The following MSR1 variants were observed in gnomAD, a reference collection of about 807,000 sequenced individuals.
MSR1 encodes macrophage scavenger receptor types I and II.
In MSR1, 53 loss-of-function variants were observed where a neutral mutation model predicts 47.2. The observed-to-expected ratio is 1.12, with a 90% CI of 0.90 to 1.41. The LOEUF (loss-of-function observed/expected upper bound fraction) is 1.41. Ranked by LOEUF, MSR1 falls within the 40% of genes most tolerant of loss-of-function variation. The probability of loss-of-function intolerance (pLI) is 0.00; values close to 1 mark genes in which losing one functional copy is unlikely to be tolerated. For synonymous variants in MSR1, 239 were observed against 185.6 expected, an observed-to-expected ratio of 1.29 and a Z score of -2.34; for missense variants, 786 against 546.9, an observed-to-expected ratio of 1.44 and a Z score of -4.36.
At chr8:16,140,797 G>A (rs1159134245) in intron 8 of MSR1, 1 of 1,496,212 alleles carries the variant, frequency 6.7e-7, no homozygotes, top group East Asian at 2.4e-5. Context: ...AGTAAGAAGA[G>A]GTATGAGCAT....
intron 2 of MSR1, 63 bp from the exon 3 acceptor site, chr8:16,175,363 T>A: frequency 3.1e-6 from 4 of 1,289,068 alleles, no homozygotes; most frequent in African/African-American, 1.5e-5. Context: ...TAATTAAAAT[T>A]GTTTTAATCT....
intron 5 of MSR1, among the ~76,000 whole-genome samples, chr8:16,162,958 T>G (rs1393667891): frequency 6.6e-6 from 1 of 151,578 alleles, no homozygotes; most frequent in Non-Finnish European, 1.5e-5. Context: ...AAAAATAAAG[T>G]AGAATAAACT....
chr8:16,149,558 T>C (rs975496955), intron 7 of MSR1, among the ~76,000 whole-genome samples: 2 of 152,090 alleles, frequency 1.3e-5, no homozygotes, highest in Non-Finnish European at 2.9e-5. Flanking sequence ...TAATTCACTT[T>C]GAAATGAGGA....
At position 16,155,128 on chromosome 8, in the gene MSR1, C is replaced by T. The variant is rs34797070; in HGVS notation, c.834G>A (p.Pro278=). The change falls in exon 6 of 10, where the codon CCG becomes CCA. Residue 278 remains proline, a synonymous_variant. Coordinates refer to ENST00000262101, the MANE Select transcript of MSR1 (RefSeq NM_138715.3). ...TGGGACCTCGATCTCCTTTTTCACC[C>T]GGGGGTCCAGGAGGACCTTTAAAAA... ...ITLIQGPPGP[P]GEKGDRGPTG... is the part of the protein sequence containing the mutation. 29 of 1,611,602 alleles carry T rather than the reference C, an allele frequency of 1.8e-5. No individual in the cohort carries two copies. Among genetic ancestry groups the T allele is most frequent in the Admixed American group, 8.4e-5 (5 of 59,754 alleles).
At position 16,168,730 on chromosome 8, in the gene MSR1, T is replaced by G; in HGVS notation, c.358A>C (p.Asn120His). ...FQEVFMEHMS[N>H]MEKRIQHILD... ...ATATGCTGGATTCTCTTCTCCATGT[T>G]GCTCATGTGTTCCATAAAGACTTCT... The change falls in exon 4 of 10, where the codon AAC becomes CAC. Residue 120 changes from asparagine (N) to histidine (H), a missense_variant. Coordinates refer to ENST00000262101, the MANE Select transcript of MSR1 (RefSeq NM_138715.3). 1 of 1,614,218 alleles carries G rather than the reference T, an allele frequency of 6.2e-7. No individual in the cohort carries two copies. Among genetic ancestry groups the G allele is most frequent in the Non-Finnish European group, 8.5e-7 (1 of 1,180,028 alleles).
At chr8:16,185,490 T>C (rs918086057) in intron 1 of MSR1, among the ~76,000 whole-genome samples, 1 of 152,192 alleles carries the variant, frequency 6.6e-6, no homozygotes, top group African/African-American at 2.4e-5. Flanking sequence ...TATCATCTAC[T>C]TACTGTATAG....
intron 4 of MSR1, 151 bp downstream of exon 4, chr8:16,168,307 G>T: frequency 2.6e-6 from 2 of 766,328 alleles, no homozygotes; most frequent in Non-Finnish European, 4.3e-6. Flanking sequence ...CTTAACATTC[G>T]TTTAAAATCT....
intron 5 of MSR1, among the ~76,000 whole-genome samples, chr8:16,157,088 G>A (rs1029280368): frequency 7.9e-5 from 12 of 151,992 alleles, no homozygotes; most frequent in Non-Finnish European, 1.6e-4. Context: ...TGAAAAAAGT[G>A]CGCAAGCAAA....
chr8:16,133,670 C>T (rs888552479), intron 8 of MSR1, among the ~76,000 whole-genome samples: 1 of 152,168 alleles, frequency 6.6e-6, no homozygotes, highest in African/African-American at 2.4e-5. Flanking sequence ...GACTGTAACA[C>T]TTCTACCTCT....
intron 7 of MSR1, among the ~76,000 whole-genome samples, chr8:16,144,838 A>C (rs746600652): frequency 3.3e-5 from 5 of 151,928 alleles, no homozygotes; most frequent in African/African-American, 7.2e-5. Flanking sequence ...TGAGAGAAAA[A>C]CTTTTTCATC....
chr8:16,150,077 C>A (rs1800805581), intron 7 of MSR1, among the ~76,000 whole-genome samples, 154 bp downstream of exon 7: 1 of 146,296 alleles, frequency 6.8e-6, no homozygotes, highest in Non-Finnish European at 1.5e-5. Flanking sequence ...TTTTTATCAT[C>A]CAAGAATTTA....
chr8:16,175,285 G>A lies in MSR1; in HGVS notation c.119C>T (p.Pro40Leu), dbSNP rs1350662728. The change falls in exon 3 of 10, where the codon CCT (proline) becomes CTT (leucine). Residue 40 changes from proline to leucine, a missense_variant. Physicochemically the swap from Pro to Leu is moderately conservative, Grantham distance 98. Coordinates refer to ENST00000262101, the MANE Select transcript of MSR1 (RefSeq NM_138715.3). ...GGACTTCAGTTTCTCTTGAAGGGAA[G>A]GGCTGTTTTTAGGATCTAATAAAAC... is the stretch of plus-strand genomic sequence containing the variant. The part of the protein sequence containing the change: ...ALLPPNPKNS[P>L]SLQEKLKSFK... 9 of 1,613,968 alleles carry A rather than the reference G, an allele frequency of 5.6e-6. No individual in the cohort carries two copies. Among genetic ancestry groups the A allele is most frequent in the Non-Finnish European group, 7.6e-6 (9 of 1,179,910 alleles).
intron 3 of MSR1, among the ~76,000 whole-genome samples, chr8:16,172,880 T>A (rs914158638): frequency 5.9e-5 from 9 of 152,162 alleles, no homozygotes; most frequent in Non-Finnish European, 1.2e-4. Context: ...GAATTCATAT[T>A]TGCCAAACTT....
In MSR1 at chr8:16,108,401, T is replaced by A. The variant is rs1056629396; in HGVS notation, c.*1684A>T. 6 of 151,908 alleles carry A rather than the reference T, an allele frequency of 3.9e-5. No homozygotes were observed. The highest frequency in any genetic ancestry group is 6.6e-5 in the Admixed American group (1 of 15,242). 9.4% of individuals were successfully genotyped at this position (151,908 alleles called of 1,614,324 possible). ...ACATCCCATGCATACCACTTACGCA[T>A]AAGTAGTAAATCAGCATACATATAC... is the stretch of plus-strand genomic sequence containing the variant. On this transcript the variant is annotated 3_prime_UTR_variant, in exon 10 of 10. Transcript: ENST00000262101.
intron 8 of MSR1, chr8:16,139,767 AAAAAAAAATATATATATATATATAT>A (rs1800492197): frequency 9.1e-6 from 1 of 109,298 alleles, no homozygotes; most frequent in Non-Finnish European, 1.1e-5. Flanking sequence ...AAAAAAAAAA[AAAAAAAAATATATATATATATATAT>A]ATATATATAT....
At chr8:16,143,746 T>C (rs1585156937) in intron 7 of MSR1, 135 bp from the exon 8 acceptor site, 4 of 673,050 alleles carry the variant, frequency 5.9e-6, no homozygotes, top group East Asian at 2.7e-5. Context: ...TAACATTGTA[T>C]AATGTTAACA....
At chr8:16,180,763 G>T (rs1433672885) in intron 1 of MSR1, among the ~76,000 whole-genome samples, 1 of 152,042 alleles carries the variant, frequency 6.6e-6, no homozygotes, top group Non-Finnish European at 1.5e-5. Flanking sequence ...AATATATTTT[G>T]AAAATATCAC....
At chr8:16,169,062 A>G (rs1315173613) in intron 3 of MSR1, among the ~76,000 whole-genome samples, 192 bp from the exon 4 acceptor site, 1 of 152,090 alleles carries the variant, frequency 6.6e-6, no homozygotes, top group Non-Finnish European at 1.5e-5. Flanking sequence ...AGAAGCATAC[A>G]TTCTCCCTTT....
intron 6 of MSR1, among the ~76,000 whole-genome samples, chr8:16,154,539 A>C (rs34187201): frequency 0.04 from 6,157 of 152,090 alleles, 449 homozygotes; most frequent in African/African-American, 0.14. Context: ...ATTTACATTC[A>C]GATTTCATTA....
Sources: gnomAD v4.1 joint callset for allele counts (sites outside exome capture counted in the v4.1 genomes callset) on GRCh38, gnomAD v4.1.1 for gene constraint, MANE v1.5 for transcripts, NCBI Gene and HGNC (gene_info 2026-07-23, HGNC 2026-07-21) for gene names.